Variants in RNLS observed in about 807,000 individuals in gnomAD.
The protein encoded by RNLS is renalase, FAD dependent amine oxidase.
In RNLS, 39 loss-of-function variants were observed where a neutral mutation model predicts 39.8. The ratio of observed to expected loss-of-function variants is 0.98; its 90% CI spans 0.76 to 1.28. The LOEUF (loss-of-function observed/expected upper bound fraction) is 1.28, where lower values mean the gene tolerates loss of function less well. Among genes scored for constraint, RNLS ranks in the 50% most tolerant of loss-of-function variants. The pLI is 0.00. For missense variants in RNLS, 410 were observed against 413.3 expected (o/e 0.99, Z 0.07); for synonymous variants, 147 against 150.7 (o/e 0.98, Z 0.18).
At chr10:88,200,285 A>G in the RNLS span, among the ~76,000 whole-genome samples, 1 of 152,254 alleles carries the variant, frequency 6.6e-6, no homozygotes, top group Non-Finnish European at 1.5e-5. Flanking sequence ...GGTAGTAATA[A>G]CAATAGCAGC....
At chr10:88,307,220 G>A (rs2872069) in intron 6 of RNLS, among the ~76,000 whole-genome samples, 114,540 of 152,130 alleles carry the variant, frequency 0.75, 43,781 homozygotes, top group East Asian at 0.98. Flanking sequence ...CATCATACTG[G>A]ATGGGCAAAA....
chr10:88,430,596 T>G (rs969135484), intron 4 of RNLS, among the ~76,000 whole-genome samples: 2 of 151,844 alleles, frequency 1.3e-5, no homozygotes, highest in Non-Finnish European at 3.0e-5. Flanking sequence ...AGCATTTGGT[T>G]TTTTTACTAC....
At chr10:88,528,001 T>C (rs1847206855) in intron 4 of RNLS, among the ~76,000 whole-genome samples, 2 of 151,428 alleles carry the variant, frequency 1.3e-5, no homozygotes, top group Non-Finnish European at 2.9e-5. Context: ...GAAATCTAAA[T>C]GGTAGTACTA....
chr10:88,436,828 C>A (rs1589790038), intron 4 of RNLS, among the ~76,000 whole-genome samples: 1 of 152,082 alleles, frequency 6.6e-6, no homozygotes, highest in Non-Finnish European at 1.5e-5. Context: ...GCCAACTAAA[C>A]ATTATACTTT....
chr10:88,473,891 C>T (rs1240215083), intron 4 of RNLS, among the ~76,000 whole-genome samples: 4 of 151,996 alleles, frequency 2.6e-5, no homozygotes, highest in African/African-American at 7.2e-5. Flanking sequence ...CTTTTCCTTT[C>T]ATAAATGAGT....
At chr10:88,387,922 G>A (rs1851969650) in intron 4 of RNLS, among the ~76,000 whole-genome samples, 1 of 152,158 alleles carries the variant, frequency 6.6e-6, no homozygotes, top group Non-Finnish European at 1.5e-5. Context: ...TGAAAACATA[G>A]ATATAGGAAA....
intron 6 of RNLS, among the ~76,000 whole-genome samples, chr10:88,307,822 A>G (rs183195833): frequency 2.2e-3 from 332 of 152,342 alleles, no homozygotes; most frequent in Non-Finnish European, 3.8e-3. Context: ...AAACTAGAAA[A>G]AACTATTTTA....
intron 5 of RNLS, among the ~76,000 whole-genome samples, chr10:88,344,033 T>C (rs986090952): frequency 1.1e-4 from 16 of 152,162 alleles, no homozygotes; most frequent in Admixed American, 9.2e-4. Context: ...TACATTGTTA[T>C]TTTGGCCTAC....
At chr10:88,582,548 A>C (rs1793745483) in intron 1 of RNLS, among the ~76,000 whole-genome samples, 1 of 152,260 alleles carries the variant, frequency 6.6e-6, no homozygotes, top group African/African-American at 2.4e-5. Flanking sequence ...AAAACTAAAA[A>C]TGATGAAAGA....
intron 6 of RNLS, chr10:88,309,510 C>T (rs1385407066): frequency 1.6e-6 from 2 of 1,229,202 alleles, no homozygotes; most frequent in South Asian, 2.5e-5. Context: ...AGCCATTGCA[C>T]ATTTCCCCTT....
chr10:88,501,749 A>G (rs1317409891), intron 4 of RNLS, among the ~76,000 whole-genome samples: 1 of 152,198 alleles, frequency 6.6e-6, no homozygotes, highest in Non-Finnish European at 1.5e-5. Context: ...CTATAAAATG[A>G]ACAATTTTCA....
intron 4 of RNLS, among the ~76,000 whole-genome samples, chr10:88,418,522 C>A (rs1854179801): frequency 6.6e-6 from 1 of 152,186 alleles, no homozygotes; most frequent in Admixed American, 6.5e-5. Context: ...AGCAGTGTTT[C>A]CTCAACTTTA....
intron 4 of RNLS, among the ~76,000 whole-genome samples, chr10:88,489,391 C>T (rs528064733): frequency 5.9e-5 from 9 of 152,132 alleles, no homozygotes; most frequent in Non-Finnish European, 1.0e-4. Flanking sequence ...CTATGTATTT[C>T]AATGGCACTT....
At chr10:88,371,492 T>C (rs1018821882) in intron 4 of RNLS, among the ~76,000 whole-genome samples, 9 of 152,108 alleles carry the variant, frequency 5.9e-5, no homozygotes, top group African/African-American at 2.2e-4. Context: ...ATGTCAAAAG[T>C]ATTTCGGGCA....
At chr10:88,347,613 C>G (rs925743110) in intron 5 of RNLS, among the ~76,000 whole-genome samples, 1 of 151,864 alleles carries the variant, frequency 6.6e-6, no homozygotes, top group African/African-American at 2.4e-5. Context: ...CCAACCCCCC[C>G]CAATAAAAAA....
intron 5 of RNLS, among the ~76,000 whole-genome samples, chr10:88,332,304 C>A (rs1847177406): frequency 6.6e-6 from 1 of 152,246 alleles, no homozygotes; most frequent in African/African-American, 2.4e-5. Context: ...CACAATTTTA[C>A]AGTTTTAATT....
At chr10:88,311,363 C>A (rs536829307) in intron 6 of RNLS, among the ~76,000 whole-genome samples, 1 of 152,130 alleles carries the variant, frequency 6.6e-6, no homozygotes, top group Non-Finnish European at 1.5e-5. Context: ...GTTACAGAAA[C>A]CTTAATTCAA....
intron 4 of RNLS, among the ~76,000 whole-genome samples, chr10:88,552,005 C>T (rs779267231): frequency 4.6e-5 from 7 of 152,156 alleles, no homozygotes; most frequent in Non-Finnish European, 7.4e-5. Context: ...AGGCACATAA[C>T]GAACACAAGT....
chr10:88,404,598 G>A (rs996518815), intron 4 of RNLS, among the ~76,000 whole-genome samples: 5 of 152,006 alleles, frequency 3.3e-5, no homozygotes, highest in African/African-American at 1.2e-4. Flanking sequence ...AGGAAAACAT[G>A]GCTTAAGTTT....
Sources: gnomAD v4.1 joint callset for allele counts (sites outside exome capture counted in the v4.1 genomes callset) on GRCh38, gnomAD v4.1.1 for gene constraint, MANE v1.5 for transcripts, NCBI Gene and HGNC (gene_info 2026-07-23, HGNC 2026-07-21) for gene names.